Variants in PALM2AKAP2 observed in about 807,000 individuals in gnomAD.
The protein encoded by PALM2AKAP2 is PALM2 and AKAP2 fusion.
Under a neutral mutation model 71.5 loss-of-function variants are expected in PALM2AKAP2, and 37 were observed. The observed-to-expected ratio is 0.52, with a 90% CI of 0.40 to 0.68. The LOEUF is 0.68. PALM2AKAP2 is among the 30% of genes least tolerant of loss of function. The pLI, the probability that PALM2AKAP2 is intolerant of heterozygous loss-of-function variation, is 0.00. For missense variants in PALM2AKAP2, 1,224 were observed against 1,191.8 expected (o/e 1.03, Z -0.40); for synonymous variants, 468 against 478.8 (o/e 0.98, Z 0.29).
chr9:109,782,188 C>T (rs911586176), intron 1 of PALM2AKAP2, among the ~76,000 whole-genome samples: 3 of 152,196 alleles, frequency 2.0e-5, no homozygotes, highest in African/African-American at 7.2e-5. Context: ...GTTGAGTAAT[C>T]CCAGCAGAGG....
intron 6 of PALM2AKAP2, among the ~76,000 whole-genome samples, chr9:110,012,864 G>C (rs543083452): frequency 1.3e-5 from 2 of 152,160 alleles, no homozygotes; most frequent in African/African-American, 2.4e-5. Context: ...AGATGATAGA[G>C]ATGAAAACCA....
chr9:110,029,439 A>G (rs993007890), intron 7 of PALM2AKAP2, among the ~76,000 whole-genome samples: 2 of 152,228 alleles, frequency 1.3e-5, no homozygotes, highest in African/African-American at 4.8e-5. Context: ...TGACATGGGC[A>G]TGGATATTCC....
intron 1 of PALM2AKAP2, among the ~76,000 whole-genome samples, chr9:109,785,373 A>C (rs1407825535): frequency 6.6e-5 from 10 of 152,070 alleles, no homozygotes. Flanking sequence ...TACGCTTTAC[A>C]GGTGAGTATT....
chr9:109,738,495 A>G (rs940066222), intron 1 of PALM2AKAP2, among the ~76,000 whole-genome samples: 11 of 152,260 alleles, frequency 7.2e-5, no homozygotes, highest in African/African-American at 2.2e-4. Context: ...AGGTCTCAGG[A>G]TAAAAGATCA....
At chr9:109,685,462 C>T (rs75407771) in intron 1 of PALM2AKAP2, among the ~76,000 whole-genome samples, 2,237 of 152,046 alleles carry the variant, frequency 0.015, 21 homozygotes, top group Middle Eastern at 0.068. Context: ...TTTGGTTTCC[C>T]AGTGCATGTA....
intron 1 of PALM2AKAP2, among the ~76,000 whole-genome samples, chr9:109,734,955 T>C (rs1828608106): frequency 6.6e-6 from 1 of 151,984 alleles, no homozygotes; most frequent in Non-Finnish European, 1.5e-5. Context: ...TTGTCAAACA[T>C]ATTTACATTG....
intron 7 of PALM2AKAP2, among the ~76,000 whole-genome samples, chr9:110,031,372 C>T (rs912297828): frequency 4.6e-5 from 7 of 152,140 alleles, no homozygotes; most frequent in Non-Finnish European, 4.4e-5. Flanking sequence ...TCAACTGATC[C>T]GCCCACCTCA....
intron 1 of PALM2AKAP2, among the ~76,000 whole-genome samples, chr9:109,825,040 G>C (rs557000334): frequency 1.3e-5 from 2 of 152,332 alleles, no homozygotes; most frequent in East Asian, 3.9e-4. Flanking sequence ...ACGTAATGTA[G>C]CTGAATTAGT....
intron 1 of PALM2AKAP2, among the ~76,000 whole-genome samples, chr9:109,851,934 C>T (rs921345814): frequency 3.3e-5 from 5 of 152,050 alleles, no homozygotes; most frequent in Admixed American, 6.5e-5. Flanking sequence ...TGCTGCTATA[C>T]GTGATGGCAA....
At chr9:110,019,638 C>G (rs1173226604) in intron 7 of PALM2AKAP2, among the ~76,000 whole-genome samples, 2 of 152,126 alleles carry the variant, frequency 1.3e-5, no homozygotes, top group Non-Finnish European at 2.9e-5. Flanking sequence ...AAATCATGTC[C>G]TTTGTAGCAA....
intron 1 of PALM2AKAP2, among the ~76,000 whole-genome samples, chr9:109,784,451 C>T (rs1304461483): frequency 6.6e-6 from 1 of 152,012 alleles, no homozygotes; most frequent in African/African-American, 2.4e-5. Flanking sequence ...TACCAGGAGG[C>T]ATTTGTTTAT....
intron 1 of PALM2AKAP2, among the ~76,000 whole-genome samples, chr9:109,781,383 C>A (rs1381712223): frequency 3.9e-5 from 6 of 152,086 alleles, no homozygotes; most frequent in Admixed American, 3.9e-4. Context: ...TTACTGCTGC[C>A]GTATGAAATA....
chr9:109,872,675 T>A (rs1829631772), intron 2 of PALM2AKAP2, among the ~76,000 whole-genome samples: 1 of 152,244 alleles, frequency 6.6e-6, no homozygotes, highest in Admixed American at 6.5e-5. Context: ...GGCTGAATTG[T>A]GACCCTGTGA....
intron 1 of PALM2AKAP2, among the ~76,000 whole-genome samples, chr9:109,791,089 G>A (rs558504019): frequency 6.6e-6 from 1 of 152,342 alleles, no homozygotes; most frequent in South Asian, 2.1e-4. Flanking sequence ...AGATGGGTCA[G>A]AAGACAGAGG....
intron 1 of PALM2AKAP2, among the ~76,000 whole-genome samples, chr9:109,756,697 ACC>A (rs1828969207): frequency 6.6e-6 from 1 of 152,132 alleles, no homozygotes; most frequent in African/African-American, 2.4e-5. Context: ...CCAGAAGTTA[ACC>A]AGATACTCTA....
intron 1 of PALM2AKAP2, among the ~76,000 whole-genome samples, chr9:109,865,835 G>C (rs1475571029): frequency 6.6e-6 from 1 of 152,196 alleles, no homozygotes; most frequent in Non-Finnish European, 1.5e-5. Flanking sequence ...AGAATGTAGA[G>C]ATAGCAGCTG....
intron 6 of PALM2AKAP2, among the ~76,000 whole-genome samples, chr9:109,994,534 C>T (rs527394640): frequency 6.6e-6 from 1 of 152,292 alleles, no homozygotes; most frequent in South Asian, 2.1e-4. Context: ...CATTTAGCCC[C>T]ACAGCAGTTT....
chr9:109,852,756 GT>G, intron 1 of PALM2AKAP2, among the ~76,000 whole-genome samples: 1 of 152,218 alleles, frequency 6.6e-6, no homozygotes, highest in East Asian at 1.9e-4. Flanking sequence ...TCTCATTGTG[GT>G]TTTGGTTTGC....
chr9:109,931,232 C>T (rs974685794), intron 5 of PALM2AKAP2, among the ~76,000 whole-genome samples: 7 of 152,188 alleles, frequency 4.6e-5, no homozygotes, highest in African/African-American at 1.4e-4. Context: ...AGAGGCTTGT[C>T]GAGGTATTTG....
Sources: gnomAD v4.1 joint callset for allele counts (sites outside exome capture counted in the v4.1 genomes callset) on GRCh38, gnomAD v4.1.1 for gene constraint, MANE v1.5 for transcripts, NCBI Gene and HGNC (gene_info 2026-07-23, HGNC 2026-07-21) for gene names.